KIF2C: variants seen among roughly 807,000 people sequenced by gnomAD.
The protein encoded by KIF2C is kinesin family member 2C, also known as kinesin-like protein KIF2C.
KIF2C carries 34 observed loss-of-function variants against 97.4 expected under a neutral mutation model. The ratio of observed to expected loss-of-function variants is 0.35; its 90% CI spans 0.27 to 0.46. KIF2C has a LOEUF of 0.46. Among genes scored for constraint, KIF2C ranks in the 20% least tolerant of loss-of-function variants. KIF2C has a pLI of 1.00. For synonymous variants in KIF2C, 313 were observed against 318.2 expected (o/e 0.98, Z 0.17); for missense variants, 750 against 907.6 (o/e 0.83, Z 2.23).
At chr1:44,740,799 T>A in intron 1 of KIF2C, 114 bp from the exon 2 acceptor site, 7 of 404,722 alleles carry the variant, frequency 1.7e-5, no homozygotes, top group Non-Finnish European at 2.3e-5. Context: ...TTTTTTTTTT[T>A]AAGGTAGCTG....
chr1:44,745,711 C>G (rs979713109), intron 2 of KIF2C, among the ~76,000 whole-genome samples: 2 of 151,828 alleles, frequency 1.3e-5, no homozygotes, highest in African/African-American at 4.8e-5. Context: ...CTCAGGTGAT[C>G]TGCCTGTCTC....
At chr1:44,755,548 G>A (rs1405393139) in intron 8 of KIF2C, among the ~76,000 whole-genome samples, 2 of 152,278 alleles carry the variant, frequency 1.3e-5, no homozygotes, top group Admixed American at 6.5e-5. Context: ...ACAGGCGTGA[G>A]CCACCATGCC....
rs529804604 is a variant in KIF2C at position 44,767,643 on chromosome 1, C to T, written c.*464C>T. On this transcript the variant is annotated 3_prime_UTR_variant, in exon 21 of 21. Transcript: ENST00000372224. ...TACTTTAAAAAAATGTTTCTGAGACCTCTTTCTACTTTACTGTCTCCCTAG... is the reference window on the plus strand; with the variant it reads ...TACTTTAAAAAAATGTTTCTGAGACTTCTTTCTACTTTACTGTCTCCCTAG... The T allele has an allele frequency of 1.2e-5, 2 of 162,650 alleles. No individual in the cohort carries two copies. Among genetic ancestry groups the T allele is most frequent in the African/African-American group, 4.8e-5 (2 of 41,696 alleles). The allele number at this position is 162,650 out of a possible 1,614,324, so 10.1% of individuals were successfully genotyped here.
At chr1:44,744,773 A>C (rs1448575731) in intron 2 of KIF2C, among the ~76,000 whole-genome samples, 1 of 151,924 alleles carries the variant, frequency 6.6e-6, no homozygotes, top group East Asian at 1.9e-4. Flanking sequence ...GGTGGTGCGC[A>C]CCTGTAGTCC....
At chr1:44,759,150 C>T (rs781698814) in intron 13 of KIF2C, 56 bp from the exon 14 acceptor site, 267 of 1,607,096 alleles carry the variant, frequency 1.7e-4, no homozygotes, top group Non-Finnish European at 2.1e-4. Context: ...AGGAAGCAGT[C>T]GGGTGGGGTG....
rs536696144 is a variant in KIF2C at position 44,747,263 on chromosome 1, G to A, written c.166-121G>A. The A allele has an allele frequency of 3.0e-5, 23 of 759,988 alleles. No homozygotes were observed. In the Admixed American group the frequency reaches 3.2e-4, roughly 11 times the overall value. 47.1% of individuals were successfully genotyped at this position (759,988 alleles called of 1,614,324 possible). A position where few individuals can be genotyped will look rare whatever the true frequency, so the allele number is the denominator to read the frequency against. Reference sequence around the variant, plus strand: ...GCAGAGGTTGCATTGAACCAAGATCGCACCACTGCCCTCCAGCCTGGGCGA... The same window carrying A: ...GCAGAGGTTGCATTGAACCAAGATCACACCACTGCCCTCCAGCCTGGGCGA... On this transcript the variant is annotated intron_variant, in intron 2 of 20. Coordinates refer to ENST00000372224, the MANE Select transcript of KIF2C (RefSeq NM_006845.4).
intron 2 of KIF2C, among the ~76,000 whole-genome samples, chr1:44,742,811 A>G (rs1305158587): frequency 6.6e-6 from 1 of 152,204 alleles, no homozygotes; most frequent in East Asian, 1.9e-4. Flanking sequence ...ACTACCTGTG[A>G]TATCAGTTTG....
chr1:44,762,514 A>C, intron 18 of KIF2C, 31 bp from the exon 19 acceptor site: 1 of 1,610,318 alleles, frequency 6.2e-7, no homozygotes, highest in Non-Finnish European at 8.5e-7. Context: ...CACCTGGGTC[A>C]CATAATTGTC....
At chr1:44,751,006 T>C (rs1649480604) in intron 5 of KIF2C, among the ~76,000 whole-genome samples, 2 of 152,124 alleles carry the variant, frequency 1.3e-5, no homozygotes, top group South Asian at 2.1e-4. Context: ...ACACAGAGCA[T>C]TGAGTATATA....
chr1:44,747,398 T>C lies in KIF2C; in HGVS notation c.180T>C (p.Asp60=), dbSNP rs1360465325. The change falls in exon 3 of 21, where the codon GAT becomes GAC. Residue 60 remains aspartate, a synonymous_variant. Coordinates refer to ENST00000372224, the MANE Select transcript of KIF2C (RefSeq NM_006845.4). ...ATKGKEIDFD[D]VAAINPELLQ... is the part of the protein sequence containing the mutation. ...GCTCCTTGCAGATTGATTTTGATGA[T>C]GTGGCTGCAATAAACCCAGAACTCT... is the stretch of plus-strand genomic sequence containing the variant. The C allele has an allele frequency of 1.2e-6, 2 of 1,611,142 alleles. No individual in the cohort carries two copies. The highest frequency in any genetic ancestry group is 1.7e-6 in the Non-Finnish European group (2 of 1,179,076).
intron 2 of KIF2C, 60 bp downstream of exon 2, chr1:44,741,067 C>A (rs1557587039): frequency 7.6e-7 from 1 of 1,322,926 alleles, no homozygotes; most frequent in Non-Finnish European, 1.1e-6. Flanking sequence ...AGGATCTGTG[C>A]AGAAGTGGAA....
In KIF2C at chr1:44,760,819, A is replaced by C; in HGVS notation, c.1683+117A>C. On this transcript the variant is annotated intron_variant, in intron 16 of 20. Transcript: ENST00000372224. This position sits in a 1 kb window ranked among gnomAD's most constrained non-coding sequence, Gnocchi z 4.2. Reference sequence around the variant, plus strand: ...AGCACTGCTGGCTGCCTGGGTTTCCAGGCTGTACCGTGACTGGGCTTCCAG... The same window carrying C: ...AGCACTGCTGGCTGCCTGGGTTTCCCGGCTGTACCGTGACTGGGCTTCCAG... 1.2e-6 allele frequency: 1 copy of C among 800,728 alleles called. No individual in the cohort carries two copies. Among genetic ancestry groups the C allele is most frequent in the Non-Finnish European group, 2.1e-6 (1 of 483,050 alleles). The allele number at this position is 800,728 out of a possible 1,614,324, so 49.6% of individuals were successfully genotyped here.
intron 5 of KIF2C, among the ~76,000 whole-genome samples, chr1:44,752,133 A>ATTT (rs1176639607): frequency 9.0e-4 from 73 of 81,464 alleles, no homozygotes; most frequent in East Asian, 1.4e-3. Flanking sequence ...ATTAAATTGA[A>ATTT]TTTTTTTTTT....
intron 7 of KIF2C, 59 bp downstream of exon 7, chr1:44,753,892 C>G: frequency 1.1e-6 from 1 of 902,890 alleles, no homozygotes; most frequent in Non-Finnish European, 1.7e-6. Flanking sequence ...AACCGAAACT[C>G]TACGGGCAAC....
chr1:44,753,336 G>A (rs1023760109), intron 6 of KIF2C, 82 bp downstream of exon 6: 1 of 1,468,838 alleles, frequency 6.8e-7, no homozygotes, highest in Non-Finnish European at 9.1e-7. Context: ...GGCCTACCTT[G>A]GCACCTGAGT....
chr1:44,740,779 G>GT (rs11403922), intron 1 of KIF2C, 134 bp from the exon 2 acceptor site: 62,099 of 249,584 alleles, frequency 0.25, 8,302 homozygotes, highest in Non-Finnish European at 0.31. Flanking sequence ...GTTTCTCTTA[G>GT]TTTTTTTTTT....
chr1:44,741,088 C>A, intron 2 of KIF2C, 81 bp downstream of exon 2: 1 of 1,103,676 alleles, frequency 9.1e-7, no homozygotes, highest in Non-Finnish European at 1.3e-6. Flanking sequence ...TCTGTGAGAG[C>A]CTAGTTTCTG....
In KIF2C at chr1:44,767,102, A is replaced by T; in HGVS notation, c.2101A>T (p.Ile701Phe). 1 of 1,614,148 alleles carries T rather than the reference A, an allele frequency of 6.2e-7. No individual in the cohort carries two copies. Among genetic ancestry groups the T allele is most frequent in the East Asian group, 2.2e-5 (1 of 44,886 alleles). Reference sequence around the variant, plus strand: ...ACCGCTACCCTTTCTTCCAGATGTCATCAAGGCCTTGCGCCTGGCCATGCA... The same window carrying T: ...ACCGCTACCCTTTCTTCCAGATGTCTTCAAGGCCTTGCGCCTGGCCATGCA... ...AKHFSALRDV[I>F]KALRLAMQLE... Residue 701 changes from isoleucine (I) to phenylalanine (F), a missense_variant, in exon 21 of 21, where the codon ATC becomes TTC. Transcript: ENST00000372224.
intron 2 of KIF2C, among the ~76,000 whole-genome samples, chr1:44,742,379 G>A (rs1333457502): frequency 6.6e-6 from 1 of 151,578 alleles, no homozygotes; most frequent in South Asian, 2.1e-4. Flanking sequence ...AAAGTGCTGG[G>A]ATTACAGGCG....
Sources: allele counts gnomAD v4.1 joint callset (sites outside exome capture counted in the v4.1 genomes callset), GRCh38; gene constraint gnomAD v4.1.1; non-coding constraint Gnocchi (gnomAD v3.1); transcripts MANE v1.5; gene names NCBI Gene and HGNC (gene_info 2026-07-23, HGNC 2026-07-21).